The following ENKUR variants were observed in gnomAD, a reference collection of about 807,000 sequenced individuals.
ENKUR encodes enkurin, TRPC channel interacting protein.
ENKUR carries 19 observed loss-of-function variants against 27.6 expected under a neutral mutation model. The ratio of observed to expected loss-of-function variants is 0.69; its 90% CI spans 0.48 to 1.01. The LOEUF is 1.01. ENKUR is among the 50% of genes least tolerant of loss of function. The pLI, the probability that ENKUR is intolerant of heterozygous loss-of-function variation, is 0.00. For synonymous variants in ENKUR, 117 were observed against 96.9 expected, an observed-to-expected ratio of 1.21 and a Z score of -1.22; for missense variants, 312 against 310.5, an observed-to-expected ratio of 1.00 and a Z score of -0.04.
chr10:25,016,424 A>C (rs1202774747), upstream of ENKUR, among the ~76,000 whole-genome samples: 1 of 152,236 alleles, frequency 6.6e-6, no homozygotes, highest in East Asian at 1.9e-4. Context: ...GCGTCACCCA[A>C]TAAGGTTTTT....
At chr10:25,049,170 A>G (rs1226832574) in intron 2 of ENKUR, among the ~76,000 whole-genome samples, 1 of 152,180 alleles carries the variant, frequency 6.6e-6, no homozygotes, top group Non-Finnish European at 1.5e-5. Flanking sequence ...TGGGAGGGTT[A>G]ACTGTAAATT....
intron 1 of ENKUR, among the ~76,000 whole-genome samples, chr10:25,007,157 A>G (rs138409540): frequency 9.8e-5 from 15 of 152,318 alleles, no homozygotes; most frequent in Non-Finnish European, 1.6e-4. Context: ...ACAGACTGAC[A>G]TATTTCCCTG....
intron 2 of ENKUR, among the ~76,000 whole-genome samples, chr10:25,056,341 C>T (rs1014350486): frequency 5.9e-5 from 9 of 152,154 alleles, no homozygotes; most frequent in African/African-American, 1.2e-4. Context: ...TAACAGCACA[C>T]GCAGAATCAA....
chr10:25,050,078 G>A (rs1242779028), intron 2 of ENKUR, among the ~76,000 whole-genome samples: 1 of 152,070 alleles, frequency 6.6e-6, no homozygotes, highest in Non-Finnish European at 1.5e-5. Flanking sequence ...AGGGCAGGGG[G>A]ATGTCCCAGG....
chr10:25,040,846 C>T (rs1310525144), intron 2 of ENKUR, among the ~76,000 whole-genome samples: 1 of 152,178 alleles, frequency 6.6e-6, no homozygotes, highest in Admixed American at 6.5e-5. Context: ...TATTGTCTTT[C>T]TTACCTTAAT....
At chr10:25,011,217 C>G (rs1301825597) in intron 1 of ENKUR, among the ~76,000 whole-genome samples, 3 of 152,238 alleles carry the variant, frequency 2.0e-5, no homozygotes, top group East Asian at 1.9e-4. Flanking sequence ...ATTTTTTCAT[C>G]TGTCTTTTGG....
intron 3 of ENKUR, among the ~76,000 whole-genome samples, chr10:24,994,898 T>A (rs972980801): frequency 2.0e-5 from 3 of 152,024 alleles, no homozygotes; most frequent in Non-Finnish European, 2.9e-5. Context: ...GATGCATGCC[T>A]GTAATTCCAG....
chr10:25,050,786 C>T (rs938978286), intron 2 of ENKUR, among the ~76,000 whole-genome samples: 7 of 152,082 alleles, frequency 4.6e-5, no homozygotes, highest in Admixed American at 2.0e-4. Context: ...TCAAAAAGAA[C>T]AAGGGAATGT....
In ENKUR at chr10:25,027,356, TCAAAAAAA is replaced by T. The variant is rs1305417930; in HGVS notation, c.38-31495_38-31488del. On this transcript the variant is annotated intron_variant, in intron 2 of 5. Transcript: ENST00000615958. ...TGGGTGACAGAGCAAGACTCCCGTC[TCAAAAAAA>T]AAAAAAAAAAAAAAAAAAAAAAACT... is the stretch of plus-strand genomic sequence containing the variant. Among the ~76,000 whole-genome samples the T allele has an allele frequency of 5.5e-4, 25 of 45,736 alleles. 1 individual carries two copies. The South Asian group carries it at 8.1e-3, about 15-fold the overall frequency. 30.0% of individuals were successfully genotyped at this position (45,736 alleles called of 152,430 possible).
rs116882482 is a variant in ENKUR at position 24,993,746 on chromosome 10, T to C, written c.447+1900A>G. 5.5e-4 allele frequency among the ~76,000 whole-genome samples: 84 copies of C among 152,352 alleles called. 1 individual carries two copies. In the East Asian group the frequency reaches 0.013, roughly 23 times the overall value. ...GGTGCACAGTGCTTTCATGGTTTGGTAAACTCTGGTATTTTTCTGTTTCCA... is the reference window on the plus strand; with the variant it reads ...GGTGCACAGTGCTTTCATGGTTTGGCAAACTCTGGTATTTTTCTGTTTCCA... On this transcript the variant is annotated intron_variant, in intron 3 of 5. Transcript: ENST00000331161.
At chr10:25,059,194 G>T (rs1470537871) in intron 2 of ENKUR, among the ~76,000 whole-genome samples, 1 of 146,012 alleles carries the variant, frequency 6.8e-6, no homozygotes, top group African/African-American at 2.6e-5. Flanking sequence ...GTGCAATGGC[G>T]CAATCTCTGG....
chr10:25,039,173 A>G lies in ENKUR; in HGVS notation c.37+21939T>C, dbSNP rs1024985567. ...AAGCTTTAAACATTTTTTTTCTTATAATAGGATCTTGGTGACTGATATCCA... is the reference window on the plus strand; with the variant it reads ...AAGCTTTAAACATTTTTTTTCTTATGATAGGATCTTGGTGACTGATATCCA... On this transcript the variant is annotated intron_variant, in intron 2 of 5. Transcript: ENST00000615958. Among the ~76,000 whole-genome samples, 4 of 152,308 alleles carry G rather than the reference A, an allele frequency of 2.6e-5. 1 individual carries two copies. Among genetic ancestry groups the G allele is most frequent in the East Asian group, 3.9e-4 (2 of 5,190 alleles).
chr10:25,036,207 A>G (rs775654864), intron 2 of ENKUR, among the ~76,000 whole-genome samples: 26 of 152,256 alleles, frequency 1.7e-4, no homozygotes, highest in Non-Finnish European at 2.1e-4. Context: ...AGATAATTGA[A>G]TCATGGGGGT....
intron 1 of ENKUR, 106 bp from the exon 2 acceptor site, chr10:24,999,652 T>G: frequency 9.5e-7 from 1 of 1,055,354 alleles, no homozygotes; most frequent in Non-Finnish European, 1.4e-6. Context: ...AAGTCTATAT[T>G]CGTATGGAAA....
rs1216684208 is a variant in ENKUR at position 25,027,356 on chromosome 10, TCAA to T, written c.38-31490_38-31488del. ...TGGGTGACAGAGCAAGACTCCCGTC[TCAA>T]AAAAAAAAAAAAAAAAAAAAAAAAA... On this transcript the variant is annotated intron_variant, in intron 2 of 5. Transcript: ENST00000615958. Among the ~76,000 whole-genome samples, 34 of 45,736 alleles carry T rather than the reference TCAA, an allele frequency of 7.4e-4. 7 individuals carry two copies. In the East Asian group the frequency reaches 9.6e-3, roughly 13 times the overall value. 30.0% of individuals were successfully genotyped at this position (45,736 alleles called of 152,430 possible).
In ENKUR at chr10:24,984,267, G is replaced by A. The variant is rs1406561008; in HGVS notation, c.*103C>T. ...AAAATACATCTTTTGCATTTGTGGAGCTCAGAAACAATGTGTTGGAGACAG... is the reference window on the plus strand; with the variant it reads ...AAAATACATCTTTTGCATTTGTGGAACTCAGAAACAATGTGTTGGAGACAG... On this transcript the variant is annotated 3_prime_UTR_variant, in exon 6 of 6. Transcript: ENST00000331161. 1.2e-5 allele frequency: 15 copies of A among 1,291,698 alleles called. No individual in the cohort carries two copies. Among genetic ancestry groups the A allele is most frequent in the Non-Finnish European group, 1.6e-5 (15 of 933,066 alleles). 80.0% of individuals were successfully genotyped at this position (1,291,698 alleles called of 1,614,324 possible). A position where few individuals can be genotyped will look rare whatever the true frequency, so the allele number is the denominator to read the frequency against.
chr10:25,000,963 T>C (rs1021069126), intron 1 of ENKUR, among the ~76,000 whole-genome samples: 1 of 152,212 alleles, frequency 6.6e-6, no homozygotes, highest in South Asian at 2.1e-4. Flanking sequence ...TAACATGTGG[T>C]ATGAGAACCT....
At chr10:25,056,776 G>A (rs573347213) in intron 2 of ENKUR, among the ~76,000 whole-genome samples, 2 of 152,248 alleles carry the variant, frequency 1.3e-5, no homozygotes, top group South Asian at 2.1e-4. Flanking sequence ...ATATCATTGG[G>A]GTGTCAATAT....
intron 2 of ENKUR, among the ~76,000 whole-genome samples, chr10:25,031,654 C>T (rs977668208): frequency 2.0e-5 from 3 of 151,492 alleles, no homozygotes; most frequent in Non-Finnish European, 4.4e-5. Context: ...TCCATTTATC[C>T]TTTCTGGGAG....
Sources: gnomAD v4.1 joint callset for allele counts (sites outside exome capture counted in the v4.1 genomes callset) on GRCh38, gnomAD v4.1.1 for gene constraint, MANE v1.5 for transcripts, NCBI Gene and HGNC (gene_info 2026-07-23, HGNC 2026-07-21) for gene names.